Variants in MTUS1 observed in about 807,000 individuals in gnomAD.
MTUS1 encodes microtubule associated scaffold protein 1, also known as microtubule-associated tumor suppressor 1.
A neutral mutation model predicts 120.8 loss-of-function variants in MTUS1; 109 were observed. That is an observed-to-expected ratio of 0.90 (90% CI 0.77 to 1.06). The LOEUF (loss-of-function observed/expected upper bound fraction) is 1.06, where lower values mean the gene tolerates loss of function less well. MTUS1 is among the 50% of genes least tolerant of loss of function. The pLI, the probability that MTUS1 is intolerant of heterozygous loss-of-function variation, is 0.00. For synonymous variants in MTUS1, 737 were observed against 550.5 expected (o/e 1.34, Z -4.74); for missense variants, 2,210 against 1,486.3 (o/e 1.49, Z -8.01).
intron 1 of MTUS1, among the ~76,000 whole-genome samples, chr8:17,757,079 C>T (rs7388041): frequency 0.79 from 120,263 of 152,098 alleles, 47,787 homozygotes; most frequent in South Asian, 0.87. Context: ...AACATGGGAA[C>T]TTGCACACAA....
chr8:17,653,172 C>G lies in MTUS1; in HGVS notation c.3384+14G>C, dbSNP rs1196045866. 1 of 1,441,340 alleles carries G rather than the reference C, an allele frequency of 6.9e-7. No individual in the cohort carries two copies. Among genetic ancestry groups the G allele is most frequent in the Non-Finnish European group, 9.4e-7 (1 of 1,062,738 alleles). 89.3% of individuals were successfully genotyped at this position (1,441,340 alleles called of 1,614,324 possible). ...GAAAAATTCCATACTGATAAAGGAG[C>G]ACACACAACTTACCAAATTTGCTTT... On this transcript the variant is annotated intron_variant, in intron 12 of 14. Coordinates refer to ENST00000693296, the MANE Select transcript of MTUS1 (RefSeq NM_001363059.2).
chr8:17,754,181 A>C lies in MTUS1; in HGVS notation c.1627T>G (p.Ser543Ala). ...GTTTGTTGTCTTGAATTCACTGATGAGGGTGATGAGGCACTGGTCTGCTGA... is the reference window on the plus strand; with the variant it reads ...GTTTGTTGTCTTGAATTCACTGATGCGGGTGATGAGGCACTGGTCTGCTGA... ...RPQQTSASSP[S>A]SVNSRQQTVL... Residue 543 changes from serine (S) to alanine (A), a missense_variant, in exon 2 of 15, where the codon TCA (serine) becomes GCA (alanine). Coordinates refer to ENST00000693296, the MANE Select transcript of MTUS1 (RefSeq NM_001363059.2). The C allele has an allele frequency of 6.2e-7, 1 of 1,613,856 alleles. No homozygotes were observed. Among genetic ancestry groups the C allele is most frequent in the Non-Finnish European group, 8.5e-7 (1 of 1,179,996 alleles).
intron 6 of MTUS1, among the ~76,000 whole-genome samples, chr8:17,706,522 T>A (rs1172712485): frequency 6.6e-6 from 1 of 152,182 alleles, no homozygotes; most frequent in African/African-American, 2.4e-5. Flanking sequence ...GTCAAAAAAA[T>A]TTAAAAATAA....
rs1166643898 is a variant in MTUS1 at position 17,724,064 on chromosome 8, TGTA to T, written c.2288-234_2288-232del. ...GATGAGGCAATTAGGATATGAGAAG[TGTA>T]GGAGTAACCCTGTCTCCTAAAGTAA... On this transcript the variant is annotated intron_variant, in intron 3 of 14. Transcript: ENST00000693296. The T allele has an allele frequency of 3.4e-6, 2 of 582,404 alleles. 1 individual carries two copies. 36.1% of individuals were successfully genotyped at this position (582,404 alleles called of 1,614,324 possible). A position where few individuals can be genotyped will look rare whatever the true frequency, so the allele number is the denominator to read the frequency against.
chr8:17,649,058 T>G (rs1806427250), intron 13 of MTUS1, among the ~76,000 whole-genome samples: 1 of 152,016 alleles, frequency 6.6e-6, no homozygotes, highest in Admixed American at 6.6e-5. Flanking sequence ...TGGTAACACC[T>G]GCTACTTGTC....
intron 1 of MTUS1, among the ~76,000 whole-genome samples, chr8:17,793,818 G>C (rs2131594490): frequency 6.6e-6 from 1 of 152,298 alleles, no homozygotes; most frequent in East Asian, 1.9e-4. Context: ...CTTTGGTCAA[G>C]TCAGCAGGTG....
rs1444111326 is a variant in MTUS1, at chr8:17,645,833, G to A, written c.*93C>T. On this transcript the variant is annotated 3_prime_UTR_variant, in exon 15 of 15. Coordinates refer to ENST00000693296, the MANE Select transcript of MTUS1 (RefSeq NM_001363059.2). ...ACCCTACGGTGATCACACGTGTGCT[G>A]ATATACCTCTTGTGCCCACGTTCCT... is the stretch of plus-strand genomic sequence containing the variant. The A allele has an allele frequency of 6.7e-7, 1 of 1,488,248 alleles. No individual in the cohort carries two copies. Among genetic ancestry groups the A allele is most frequent in the Non-Finnish European group, 9.0e-7 (1 of 1,112,910 alleles). 92.2% of individuals were successfully genotyped at this position (1,488,248 alleles called of 1,614,324 possible). A position where few individuals can be genotyped will look rare whatever the true frequency, so the allele number is the denominator to read the frequency against.
At chr8:17,661,038 G>C (rs535430647) in intron 8 of MTUS1, among the ~76,000 whole-genome samples, 7 of 152,268 alleles carry the variant, frequency 4.6e-5, no homozygotes, top group African/African-American at 1.7e-4. Context: ...TTGACTGCTG[G>C]AGAACATTCT....
At chr8:17,664,618 C>A (rs904979892) in intron 8 of MTUS1, among the ~76,000 whole-genome samples, 1 of 151,964 alleles carries the variant, frequency 6.6e-6, no homozygotes, top group African/African-American at 2.4e-5. Flanking sequence ...ACAGTACATA[C>A]CCATTACACT....
chr8:17,690,612 A>C (rs1046950599), intron 6 of MTUS1, among the ~76,000 whole-genome samples: 1 of 152,230 alleles, frequency 6.6e-6, no homozygotes, highest in Non-Finnish European at 1.5e-5. Context: ...AAAACATTAA[A>C]CATTAGAAAT....
At chr8:17,691,018 TTATC>T (rs1196293566) in intron 6 of MTUS1, among the ~76,000 whole-genome samples, 1 of 152,106 alleles carries the variant, frequency 6.6e-6, no homozygotes, top group Non-Finnish European at 1.5e-5. Context: ...TATAGGGTAA[TTATC>T]TATTAATTAA....
At chr8:17,716,546 C>CTGTT (rs376606102) in intron 4 of MTUS1, 47 of 148,712 alleles carry the variant, frequency 3.2e-4, no homozygotes, top group African/African-American at 5.9e-4. Flanking sequence ...GGATTTTCTA[C>CTGTT]TGTTTGTTTG....
intron 7 of MTUS1, among the ~76,000 whole-genome samples, chr8:17,680,354 C>T (rs1484417748): frequency 6.6e-6 from 1 of 151,090 alleles, no homozygotes; most frequent in African/African-American, 2.4e-5. Context: ...ATCCCAGCTA[C>T]TCAGGAGGCT....
intron 1 of MTUS1, among the ~76,000 whole-genome samples, chr8:17,765,872 A>C (rs935011382): frequency 1.3e-5 from 2 of 152,132 alleles, no homozygotes; most frequent in Admixed American, 1.3e-4. Flanking sequence ...CAGGTACCAT[A>C]GGGCTTCTAA....
At chr8:17,746,226 C>T (rs972469155) in intron 2 of MTUS1, among the ~76,000 whole-genome samples, 3 of 152,174 alleles carry the variant, frequency 2.0e-5, no homozygotes, top group African/African-American at 4.8e-5. Flanking sequence ...ATCTTGGCTG[C>T]TGTTTCAATT....
intron 6 of MTUS1, among the ~76,000 whole-genome samples, chr8:17,691,539 T>G (rs1401290394): frequency 6.6e-6 from 1 of 152,258 alleles, no homozygotes. Context: ...CTTTCATGAC[T>G]GCTTTCAAGG....
chr8:17,797,704 C>A (rs569084330), intron 1 of MTUS1, among the ~76,000 whole-genome samples: 15 of 152,254 alleles, frequency 9.9e-5, no homozygotes, highest in Admixed American at 5.9e-4. Flanking sequence ...AAGTCTGAGG[C>A]CATTTTTAAG....
chr8:17,723,203 G>A (rs567964380), intron 4 of MTUS1: 1 of 179,258 alleles, frequency 5.6e-6, no homozygotes, highest in Non-Finnish European at 1.2e-5. Flanking sequence ...TTTATACACA[G>A]AAAATAGAAC....
intron 1 of MTUS1, among the ~76,000 whole-genome samples, chr8:17,784,241 T>C (rs1384632275): frequency 6.6e-6 from 1 of 151,960 alleles, no homozygotes; most frequent in East Asian, 1.9e-4. Flanking sequence ...TGCTGTTACA[T>C]CAGTGTAAGA....
Sources: allele counts gnomAD v4.1 joint callset (sites outside exome capture counted in the v4.1 genomes callset), GRCh38; gene constraint gnomAD v4.1.1; transcripts MANE v1.5; gene names NCBI Gene and HGNC (gene_info 2026-07-23, HGNC 2026-07-21).